The following CACNA1C variants were observed in gnomAD, a reference collection of about 807,000 sequenced individuals.
The protein encoded by CACNA1C is calcium voltage-gated channel subunit alpha1 C.
In CACNA1C, 30 loss-of-function variants were observed where a neutral mutation model predicts 229.0. The observed-to-expected ratio is 0.13, with a 90% CI of 0.10 to 0.18. CACNA1C has a LOEUF of 0.18. CACNA1C is among the 10% of genes least tolerant of loss of function. The probability of loss-of-function intolerance (pLI) is 1.00; values close to 1 mark genes in which losing one functional copy is unlikely to be tolerated. For synonymous variants in CACNA1C, 1,114 were observed against 1,132.5 expected (o/e 0.98, Z 0.33); for missense variants, 1,658 against 2,845.0 (o/e 0.58, Z 9.49).
At chr12:2,464,193 A>C (rs1281012691) in intron 5 of CACNA1C, among the ~76,000 whole-genome samples, 2 of 152,132 alleles carry the variant, frequency 1.3e-5, no homozygotes, top group Admixed American at 1.3e-4. Flanking sequence ...CTGAAAAATC[A>C]CCTTTCTGTA....
rs3062140 is a variant in CACNA1C, at chr12:2,602,630, TTGTGTGTGTGTGTGTGTGTGTGTG to T, written c.2960+687_2960+710del. Among the ~76,000 whole-genome samples, 13 of 140,796 alleles carry T rather than the reference TTGTGTGTGTGTGTGTGTGTGTGTG, an allele frequency of 9.2e-5. No homozygotes were observed. Among genetic ancestry groups the T allele is most frequent in the African/African-American group, 3.3e-4 (12 of 36,120 alleles). The allele number at this position is 140,796 out of a possible 152,430, so 92.4% of individuals were successfully genotyped here. A position where few individuals can be genotyped will look rare whatever the true frequency, so the allele number is the denominator to read the frequency against. The stretch of plus-strand genomic sequence containing the variant: ...GTGTGTGACTGTGTATATTTGTGTC[TTGTGTGTGTGTGTGTGTGTGTGTG>T]TGTGTGTGTGTGTGTGAGTTTTTCA... On this transcript the variant is annotated intron_variant, in intron 22 of 46. Coordinates refer to ENST00000399655, the MANE Select transcript of CACNA1C (RefSeq NM_000719.7). This position sits in a 1 kb window ranked among gnomAD's most constrained non-coding sequence, Gnocchi z 4.4.
At chr12:2,040,580 C>T (rs191571150) in intron 1 of CACNA1C, among the ~76,000 whole-genome samples, 22 of 152,296 alleles carry the variant, frequency 1.4e-4, no homozygotes, top group African/African-American at 5.3e-4. Context: ...TTTTAAGCAT[C>T]CTCTTTTCAA....
At chr12:2,538,158 C>T (rs987739165) in intron 9 of CACNA1C, among the ~76,000 whole-genome samples, 3 of 152,166 alleles carry the variant, frequency 2.0e-5, no homozygotes, top group Admixed American at 1.3e-4. Context: ...GGCATTTATG[C>T]CTCCTCCCAG....
In CACNA1C at chr12:2,679,092, C is replaced by T. The variant is rs2096980153; in HGVS notation, c.5092-352C>T. ...TGCTCTTAGGGACCACCATCCTAGA[C>T]GTGCCCTGGAAACTCACTCCCAGCC... On this transcript the variant is annotated intron_variant, in intron 41 of 46. Transcript: ENST00000399655. This position sits in a 1 kb window ranked among gnomAD's most constrained non-coding sequence, Gnocchi z 5.5. 6.6e-6 allele frequency among the ~76,000 whole-genome samples: 1 copy of T among 152,198 alleles called. No homozygotes were observed. Among genetic ancestry groups the T allele is most frequent in the South Asian group, 2.1e-4 (1 of 4,822 alleles).
At chr12:2,106,551 T>C (rs2078751248) in intron 1 of CACNA1C, among the ~76,000 whole-genome samples, 1 of 117,366 alleles carries the variant, frequency 8.5e-6, no homozygotes, top group Non-Finnish European at 1.9e-5. Context: ...TGGAGAGGGT[T>C]TCCACCTCAG....
chr12:2,331,656 C>T (rs1205007009), intron 3 of CACNA1C, among the ~76,000 whole-genome samples: 2 of 152,224 alleles, frequency 1.3e-5, no homozygotes, highest in African/African-American at 2.4e-5. Context: ...TTCCTTAGGA[C>T]ATAATGCCAA....
intron 3 of CACNA1C, among the ~76,000 whole-genome samples, chr12:2,329,247 A>T (rs1192373921): frequency 6.6e-6 from 1 of 152,142 alleles, no homozygotes; most frequent in East Asian, 1.9e-4. Flanking sequence ...CCTGTATGTA[A>T]CTTTGGAATG....
intron 3 of CACNA1C, among the ~76,000 whole-genome samples, chr12:2,122,913 C>A (rs1191463118): frequency 6.6e-6 from 1 of 152,206 alleles, no homozygotes; most frequent in East Asian, 1.9e-4. Flanking sequence ...AGCTCCCCTG[C>A]GGATCTGATT....
chr12:2,474,910 T>C (rs1227749104), intron 5 of CACNA1C, among the ~76,000 whole-genome samples: 3 of 152,214 alleles, frequency 2.0e-5, no homozygotes, highest in African/African-American at 7.2e-5. Context: ...TTTCTGGAGC[T>C]TGGAAAAGAT....
At chr12:2,037,919 AAC>A (rs2049418618) in intron 1 of CACNA1C, among the ~76,000 whole-genome samples, 1 of 152,178 alleles carries the variant, frequency 6.6e-6, no homozygotes, top group Admixed American at 6.5e-5. Context: ...CCCACTGGAA[AAC>A]AGAGTCCTTC....
intron 1 of CACNA1C, among the ~76,000 whole-genome samples, chr12:2,032,063 C>T (rs1171763908): frequency 6.6e-6 from 1 of 151,924 alleles, no homozygotes; most frequent in Non-Finnish European, 1.5e-5. Context: ...CCACAGCTCC[C>T]ATCCCCATGC....
chr12:2,453,196 C>G (rs2099394357), intron 4 of CACNA1C, among the ~76,000 whole-genome samples: 1 of 152,126 alleles, frequency 6.6e-6, no homozygotes, highest in Non-Finnish European at 1.5e-5. Context: ...CAGTCTGTGC[C>G]TGGGGGCCTC....
chr12:2,560,516 G>C (rs933229788), intron 11 of CACNA1C, among the ~76,000 whole-genome samples: 4 of 152,186 alleles, frequency 2.6e-5, no homozygotes, highest in African/African-American at 4.8e-5. Context: ...GACATTTGGA[G>C]CTCACTGTTC....
intron 1 of CACNA1C, among the ~76,000 whole-genome samples, chr12:2,075,416 A>G (rs917797846): frequency 2.0e-5 from 3 of 152,192 alleles, no homozygotes; most frequent in African/African-American, 7.2e-5. Context: ...TTTTACATTT[A>G]TGGAAACCCA....
At chr12:2,255,082 G>A (rs2076896918) in intron 3 of CACNA1C, among the ~76,000 whole-genome samples, 1 of 152,162 alleles carries the variant, frequency 6.6e-6, no homozygotes, top group Non-Finnish European at 1.5e-5. Context: ...GGCTGTGGAT[G>A]CGTAGAGCTT....
intron 18 of CACNA1C, among the ~76,000 whole-genome samples, chr12:2,588,257 T>TGCCCCTTCCAGGCCGCTG: frequency 6.6e-6 from 1 of 152,256 alleles, no homozygotes; most frequent in South Asian, 2.1e-4. Context: ...TCCCAACCGC[T>TGCCCCTTCCAGGCCGCTG]GCCCCTTCCA....
At chr12:2,658,265 A>G (rs2095523981) in intron 34 of CACNA1C, among the ~76,000 whole-genome samples, 1 of 152,252 alleles carries the variant, frequency 6.6e-6, no homozygotes, top group Non-Finnish European at 1.5e-5. Context: ...ATTAGAAATT[A>G]GCCATAAAAA....
At chr12:2,411,844 A>G (rs2098810729) in intron 3 of CACNA1C, among the ~76,000 whole-genome samples, 3 of 152,224 alleles carry the variant, frequency 2.0e-5, no homozygotes, top group Non-Finnish European at 2.9e-5. Flanking sequence ...CTCTGCCCCA[A>G]AGGAATTGCA....
chr12:2,487,889 G>A lies in CACNA1C; in HGVS notation c.916+1627G>A, dbSNP rs778424555. 4.6e-5 allele frequency among the ~76,000 whole-genome samples: 7 copies of A among 152,250 alleles called. 2 individuals carry two copies. ...AAATTTATATGAATTGTGTGGCCCT[G>A]TGAGAGCTCATTTTAAGACTCCTTA... is the stretch of plus-strand genomic sequence containing the variant. On this transcript the variant is annotated intron_variant, in intron 6 of 46. Coordinates refer to ENST00000399655, the MANE Select transcript of CACNA1C (RefSeq NM_000719.7).
Sources: gnomAD v4.1 joint callset for allele counts (sites outside exome capture counted in the v4.1 genomes callset) on GRCh38, gnomAD v4.1.1 for gene constraint, Gnocchi (gnomAD v3.1) non-coding constraint, MANE v1.5 for transcripts, NCBI Gene and HGNC (gene_info 2026-07-23, HGNC 2026-07-21) for gene names.